The following NSMAF variants were observed in gnomAD, a reference collection of about 807,000 sequenced individuals.
The protein encoded by NSMAF is protein FAN.
NSMAF carries 90 observed loss-of-function variants against 134.9 expected under a neutral mutation model. The ratio of observed to expected loss-of-function variants is 0.67; its 90% CI spans 0.56 to 0.79. The LOEUF (loss-of-function observed/expected upper bound fraction) is 0.79. NSMAF is among the 30% of genes least tolerant of loss of function. NSMAF has a pLI of 0.00. For synonymous variants in NSMAF, 358 were observed against 389.6 expected (o/e 0.92, Z 0.96); for missense variants, 1,010 against 1,119.0 (o/e 0.90, Z 1.39).
At chr8:58,602,920 C>T (rs1038596521) in intron 13 of NSMAF, among the ~76,000 whole-genome samples, 1 of 152,030 alleles carries the variant, frequency 6.6e-6, no homozygotes, top group Non-Finnish European at 1.5e-5. Context: ...TATTTCAAAA[C>T]GTGGTACTTA....
intron 9 of NSMAF, among the ~76,000 whole-genome samples, chr8:58,612,332 TG>T (rs1001092510): frequency 6.6e-6 from 1 of 152,146 alleles, no homozygotes; most frequent in Non-Finnish European, 1.5e-5. Flanking sequence ...GGAGAGCTTC[TG>T]GGTTGCTGAA....
intron 21 of NSMAF, among the ~76,000 whole-genome samples, 163 bp downstream of exon 21, chr8:58,597,224 C>G (rs1453440519): frequency 1.3e-5 from 2 of 152,182 alleles, no homozygotes; most frequent in Non-Finnish European, 2.9e-5. Context: ...CAAACAACAT[C>G]AGCAAAAACA....
intron 9 of NSMAF, among the ~76,000 whole-genome samples, chr8:58,614,369 C>T (rs1371086848): frequency 6.6e-6 from 1 of 152,134 alleles, no homozygotes; most frequent in Non-Finnish European, 1.5e-5. Flanking sequence ...TTCTCTGTAA[C>T]TAGTGACTTC....
At chr8:58,599,181 A>G in intron 19 of NSMAF, 51 bp downstream of exon 19, 1 of 1,536,122 alleles carries the variant, frequency 6.5e-7, no homozygotes, top group South Asian at 1.2e-5. Context: ...AAAATGAATA[A>G]TGCTAAATAT....
chr8:58,655,863 T>C (rs1011736110), intron 1 of NSMAF, among the ~76,000 whole-genome samples: 3 of 151,392 alleles, frequency 2.0e-5, no homozygotes, highest in East Asian at 2.0e-4. Context: ...GCTGAGATCG[T>C]GCCACTGCAC....
intron 9 of NSMAF, among the ~76,000 whole-genome samples, chr8:58,622,734 A>C (rs1269836813): frequency 6.6e-6 from 1 of 151,888 alleles, no homozygotes; most frequent in African/African-American, 2.4e-5. Context: ...GGATCTCACT[A>C]TGTTGCCCAG....
intron 1 of NSMAF, among the ~76,000 whole-genome samples, chr8:58,650,652 C>G (rs1054117733): frequency 1.3e-5 from 2 of 152,132 alleles, no homozygotes; most frequent in African/African-American, 2.4e-5. Context: ...TCTTAAAATT[C>G]TAGGTTCTAT....
chr8:58,654,181 T>G (rs747819239), intron 1 of NSMAF, among the ~76,000 whole-genome samples: 8 of 152,222 alleles, frequency 5.3e-5, no homozygotes, highest in Admixed American at 1.3e-4. Context: ...CTGAAAAGAC[T>G]GGGATGATAA....
intron 6 of NSMAF, among the ~76,000 whole-genome samples, chr8:58,625,056 A>G (rs1311538830): frequency 1.3e-5 from 2 of 152,184 alleles, no homozygotes; most frequent in Non-Finnish European, 2.9e-5. Flanking sequence ...TGAGATTAGC[A>G]TTTGAATTAG....
intron 26 of NSMAF, among the ~76,000 whole-genome samples, chr8:58,589,187 A>G (rs993746069): frequency 6.8e-6 from 1 of 147,874 alleles, no homozygotes; most frequent in African/African-American, 2.5e-5. Context: ...AAATATATGT[A>G]ATATATAACA....
intron 16 of NSMAF, 38 bp from the exon 17 acceptor site, chr8:58,600,059 G>T: frequency 6.6e-7 from 1 of 1,505,168 alleles, no homozygotes. Flanking sequence ...TTTCAGCTAA[G>T]GAAATAGCAA....
intron 6 of NSMAF, among the ~76,000 whole-genome samples, chr8:58,629,845 G>A (rs1340446682): frequency 6.6e-6 from 1 of 152,134 alleles, no homozygotes; most frequent in African/African-American, 2.4e-5. Flanking sequence ...GCTGTCTCTC[G>A]TGTCTAGATG....
intron 12 of NSMAF, among the ~76,000 whole-genome samples, chr8:58,605,535 A>G (rs1293967797): frequency 6.6e-6 from 1 of 152,046 alleles, no homozygotes. Context: ...ACTATTATCA[A>G]AGTGAATTTA....
chr8:58,624,611 T>A (rs1329202480), intron 6 of NSMAF, among the ~76,000 whole-genome samples: 6 of 152,204 alleles, frequency 3.9e-5, no homozygotes, highest in Non-Finnish European at 8.8e-5. Context: ...TGGAAAAATA[T>A]ACACAATATT....
intron 9 of NSMAF, among the ~76,000 whole-genome samples, chr8:58,622,436 C>T (rs973654345): frequency 2.0e-5 from 3 of 151,760 alleles, no homozygotes; most frequent in Non-Finnish European, 4.4e-5. Context: ...CACTGTCACC[C>T]GAGCTGGAGT....
chr8:58,610,403 A>T (rs1806501702), intron 9 of NSMAF, among the ~76,000 whole-genome samples: 1 of 152,232 alleles, frequency 6.6e-6, no homozygotes, highest in African/African-American at 2.4e-5. Flanking sequence ...GTTAAAAATA[A>T]ATCTCTTTAT....
Position 58,635,458 on chromosome 8 carries a change from A to C in NSMAF, c.228+10T>G, listed in dbSNP as rs185186588. The stretch of plus-strand genomic sequence containing the variant: ...AGGAATGTTTCTGTTCATATTTAAA[A>C]TGTATTTACCTTGATGATGGGCTGG... On this transcript the variant is annotated intron_variant, in intron 3 of 30. Coordinates refer to ENST00000038176, the MANE Select transcript of NSMAF (RefSeq NM_003580.4). 8.2e-6 allele frequency: 13 copies of C among 1,588,722 alleles called. No individual in the cohort carries two copies. The African/African-American group carries it at 1.8e-4, about 22-fold the overall frequency.
intron 22 of NSMAF, among the ~76,000 whole-genome samples, chr8:58,595,300 C>T (rs576164386): frequency 6.6e-6 from 1 of 152,286 alleles, no homozygotes; most frequent in South Asian, 2.1e-4. Context: ...TCTCTGCCGA[C>T]CACATCTTGT....
chr8:58,602,558 C>T (rs1167206308), intron 13 of NSMAF, among the ~76,000 whole-genome samples: 1 of 151,992 alleles, frequency 6.6e-6, no homozygotes, highest in African/African-American at 2.4e-5. Flanking sequence ...TAAATATTTT[C>T]AGAGAAATAC....
Sources: gnomAD v4.1 joint callset for allele counts (sites outside exome capture counted in the v4.1 genomes callset) on GRCh38, gnomAD v4.1.1 for gene constraint, MANE v1.5 for transcripts, NCBI Gene and HGNC (gene_info 2026-07-23, HGNC 2026-07-21) for gene names.